Variants in MYO1E observed in about 807,000 individuals in gnomAD.
The protein encoded by MYO1E is unconventional myosin-Ie.
Under a neutral mutation model 151.1 loss-of-function variants are expected in MYO1E, and 68 were observed. The ratio of observed to expected loss-of-function variants is 0.45; its 90% CI spans 0.37 to 0.55. MYO1E has a LOEUF of 0.55. Among genes scored for constraint, MYO1E ranks in the 20% least tolerant of loss-of-function variants. The pLI is 0.00. For missense variants in MYO1E, 1,363 were observed against 1,389.3 expected (o/e 0.98, Z 0.30); for synonymous variants, 601 against 501.7 (o/e 1.20, Z -2.64).
intron 1 of MYO1E, among the ~76,000 whole-genome samples, chr15:59,288,192 T>C (rs112788860): frequency 0.017 from 2,561 of 152,302 alleles, 60 homozygotes; most frequent in African/African-American, 0.057. Flanking sequence ...CTTTTCTTTT[T>C]TGAGACAGGG....
At chr15:59,274,967 A>G (rs540856883) in intron 1 of MYO1E, among the ~76,000 whole-genome samples, 1 of 152,230 alleles carries the variant, frequency 6.6e-6, no homozygotes, top group Admixed American at 6.5e-5. Flanking sequence ...AGTGGTTACA[A>G]TATGCAAAGG....
chr15:59,253,901 C>CTTTTTTTTTTTTT (rs34819314), intron 4 of MYO1E, among the ~76,000 whole-genome samples: 26 of 135,840 alleles, frequency 1.9e-4, no homozygotes, highest in Non-Finnish European at 3.4e-4. Flanking sequence ...GACAAACAAC[C>CTTTTTTTTTTTTT]TTTTTTTTTT....
At chr15:59,160,590 A>T (rs1161998301) in intron 24 of MYO1E, among the ~76,000 whole-genome samples, 1 of 151,302 alleles carries the variant, frequency 6.6e-6, no homozygotes, top group Non-Finnish European at 1.5e-5. Context: ...TTACATTTTT[A>T]TTTTTGTGTG....
At chr15:59,311,565 C>T (rs141598850) in intron 1 of MYO1E, among the ~76,000 whole-genome samples, 13 of 152,080 alleles carry the variant, frequency 8.5e-5, no homozygotes, top group Admixed American at 5.9e-4. Flanking sequence ...GCTTTGGGCA[C>T]AGAAATCACA....
chr15:59,245,315 T>A (rs1158182531), intron 4 of MYO1E, among the ~76,000 whole-genome samples: 1 of 152,240 alleles, frequency 6.6e-6, no homozygotes, highest in Non-Finnish European at 1.5e-5. Flanking sequence ...TTCCCTTTTA[T>A]CTTTACTACT....
chr15:59,270,173 T>C (rs2080281015), intron 2 of MYO1E, among the ~76,000 whole-genome samples: 1 of 152,204 alleles, frequency 6.6e-6, no homozygotes, highest in African/African-American at 2.4e-5. Flanking sequence ...AGATTTTAAA[T>C]GTTTGCACCA....
intron 4 of MYO1E, 114 bp from the exon 5 acceptor site, chr15:59,236,786 C>T: frequency 9.7e-7 from 1 of 1,033,726 alleles, no homozygotes; most frequent in Admixed American, 2.1e-5. Context: ...AAAAAACAGG[C>T]AGAAAAGAAT....
rs548053179 is a variant in MYO1E, at chr15:59,209,402, G to T, written c.1363-554C>A. Among the ~76,000 whole-genome samples the T allele has an allele frequency of 6.6e-5, 10 of 152,144 alleles. No homozygotes were observed. The South Asian group carries it at 2.1e-3, about 32-fold the overall frequency. On this transcript the variant is annotated intron_variant, in intron 13 of 27. Transcript: ENST00000288235. ...TTTAATAACTAAGTTGTCTGGCCGG[G>T]CATGGTGGCTCATGCCTGTAATCCC...
At chr15:59,277,862 ATTT>A (rs1316528757) in intron 1 of MYO1E, among the ~76,000 whole-genome samples, 3 of 152,162 alleles carry the variant, frequency 2.0e-5, no homozygotes, top group African/African-American at 7.2e-5. Flanking sequence ...AATTTGTGTA[ATTT>A]TTTTAAAACG....
chr15:59,256,790 T>G (rs1443191918), intron 3 of MYO1E, among the ~76,000 whole-genome samples: 1 of 152,204 alleles, frequency 6.6e-6, no homozygotes, highest in Non-Finnish European at 1.5e-5. Context: ...CACCTAGATC[T>G]GACTTCTACC....
chr15:59,138,444 G>C, intron 26 of MYO1E, 77 bp from the exon 27 acceptor site: 1 of 1,468,254 alleles, frequency 6.8e-7, no homozygotes, highest in African/African-American at 1.4e-5. Context: ...GGAGCATGGC[G>C]GCCGGCACTG....
At chr15:59,152,489 G>C (rs1193136252) in intron 26 of MYO1E, among the ~76,000 whole-genome samples, 1 of 152,170 alleles carries the variant, frequency 6.6e-6, no homozygotes, top group Admixed American at 6.6e-5. Flanking sequence ...GGAGAGTCGT[G>C]CAGAGCTGGA....
chr15:59,166,675 G>A (rs944154767), intron 22 of MYO1E, among the ~76,000 whole-genome samples: 1 of 152,030 alleles, frequency 6.6e-6, no homozygotes, highest in Non-Finnish European at 1.5e-5. Flanking sequence ...AAGATACGGA[G>A]GCGAATCAAG....
chr15:59,325,035 CTT>C (rs869296862), intron 1 of MYO1E, among the ~76,000 whole-genome samples: 3 of 141,200 alleles, frequency 2.1e-5, no homozygotes, highest in Non-Finnish European at 1.5e-5. Context: ...ATTTCCTTTT[CTT>C]TTTTTTTTTT....
At chr15:59,311,519 G>T (rs1192900303) in intron 1 of MYO1E, among the ~76,000 whole-genome samples, 1 of 152,158 alleles carries the variant, frequency 6.6e-6, no homozygotes, top group Non-Finnish European at 1.5e-5. Flanking sequence ...AAGACCAGAA[G>T]TTTGGGCAGT....
Position 59,173,855 on chromosome 15 carries a change from A to G in MYO1E, c.2225T>C (p.Ile742Thr). 3 of 1,614,100 alleles carry G rather than the reference A, an allele frequency of 1.9e-6. No individual in the cohort carries two copies. The highest frequency in any genetic ancestry group is 1.3e-5 in the African/African-American group (1 of 75,034). ...CTCTTCCATCCCAATATAATCCCCT[A>G]TAAAGTTCCTGTTAATACTGTTTCT... ...RRRNSINRNFIGDYIGMEEHP... is the reference protein window; with the variant it reads ...RRRNSINRNFTGDYIGMEEHP... Residue 742 changes from isoleucine (I) to threonine (T), a missense_variant, in exon 21 of 28, where the codon ATA (isoleucine) becomes ACA (threonine). Coordinates refer to ENST00000288235, the MANE Select transcript of MYO1E (RefSeq NM_004998.4).
chr15:59,322,746 T>C (rs201837682), intron 1 of MYO1E, among the ~76,000 whole-genome samples: 1 of 152,160 alleles, frequency 6.6e-6, no homozygotes, highest in East Asian at 1.9e-4. Flanking sequence ...AAAAGGTACA[T>C]GGGTTTTGAG....
chr15:59,217,827 C>A, intron 10 of MYO1E, 64 bp downstream of exon 10: 1 of 1,575,236 alleles, frequency 6.3e-7, no homozygotes, highest in South Asian at 1.1e-5. Context: ...CGCACCCAGC[C>A]TACTAGTTTT....
intron 18 of MYO1E, among the ~76,000 whole-genome samples, chr15:59,181,086 C>T (rs994719548): frequency 3.3e-5 from 5 of 152,006 alleles, no homozygotes; most frequent in African/African-American, 7.3e-5. Flanking sequence ...TTTCTGACCT[C>T]GGAGGACACA....
Sources: gnomAD v4.1 joint callset for allele counts (sites outside exome capture counted in the v4.1 genomes callset) on GRCh38, gnomAD v4.1.1 for gene constraint, MANE v1.5 for transcripts, NCBI Gene and HGNC (gene_info 2026-07-23, HGNC 2026-07-21) for gene names.